Variants in RPS24 observed in about 807,000 individuals in gnomAD.
RPS24 encodes the protein ribosomal protein S24.
For missense variants in RPS24, 100 were observed against 162.5 expected, an observed-to-expected ratio of 0.62 and a Z score of 2.09; for synonymous variants, 72 against 55.6, an observed-to-expected ratio of 1.30 and a Z score of -1.31.
chr10:78,040,130 GT>G, intron 4 of RPS24, 73 bp from the exon 5 acceptor site: 2 of 1,438,244 alleles, frequency 1.4e-6, no homozygotes, highest in Non-Finnish European at 2.0e-6. Flanking sequence ...TTATTTTGGA[GT>G]TTGAAAAGGG....
At chr10:78,051,360 ACCGGATTCTTTCACTCAGC>A (rs1166183169) in intron 4 of RPS24, among the ~76,000 whole-genome samples, 1 of 152,216 alleles carries the variant, frequency 6.6e-6, no homozygotes, top group Non-Finnish European at 1.5e-5. Context: ...GGTTTTTATG[ACCGGATTCTTTCACTCAGC>A]CTAATGTTTC....
At chr10:78,043,687 G>A (rs1238435986), downstream of RPS24, among the ~76,000 whole-genome samples, 1 of 152,188 alleles carries the variant, frequency 6.6e-6, no homozygotes, top group African/African-American at 2.4e-5. Flanking sequence ...TCTGGCTTCT[G>A]TTCCTTTCTG....
intron 1 of RPS24, 31 bp downstream of exon 1, chr10:78,033,935 G>A: frequency 6.2e-7 from 1 of 1,613,796 alleles, no homozygotes; most frequent in Non-Finnish European, 8.5e-7. Flanking sequence ...GCAGTCATCT[G>A]CCGCGTATCC....
chr10:78,044,889 C>T (rs1848027539), downstream of RPS24, among the ~76,000 whole-genome samples: 1 of 151,770 alleles, frequency 6.6e-6, no homozygotes, highest in Non-Finnish European at 1.5e-5. Context: ...CCGAGTTCCT[C>T]CACACAGGAA....
At chr10:78,037,137 G>C in intron 3 of RPS24, 57 bp from the exon 4 acceptor site, 1 of 1,557,428 alleles carries the variant, frequency 6.4e-7, no homozygotes, top group Non-Finnish European at 8.7e-7. Flanking sequence ...CTACCAGAGT[G>C]GTGGGTAATG....
At chr10:78,038,127 T>TTGTGGTTTTTGCCAC in intron 4 of RPS24, 1 of 366,510 alleles carries the variant, frequency 2.7e-6, no homozygotes, top group African/African-American at 2.2e-5. Context: ...GCAAAAGTAA[T>TTGTGGTTTTTGCCAC]TGCAGTGGCA....
intron 4 of RPS24, among the ~76,000 whole-genome samples, chr10:78,045,769 C>T (rs1208183656): frequency 6.6e-6 from 1 of 151,484 alleles, no homozygotes; most frequent in Non-Finnish European, 1.5e-5. Flanking sequence ...CTTTGGGAGG[C>T]TGAGGCGGGT....
exon 5 of RPS24, chr10:78,054,583 A>G (rs1285624340): frequency 1.3e-6 from 2 of 1,548,672 alleles, no homozygotes; most frequent in Admixed American, 2.0e-5. Context: ...TCCCAGGAAG[A>G]GAGATGCACA....
chr10:78,039,827 G>A (rs1847953904), intron 4 of RPS24: 1 of 308,922 alleles, frequency 3.2e-6, no homozygotes, highest in Non-Finnish European at 6.2e-6. Flanking sequence ...TCTCGTAACT[G>A]TTCCTGGTGT....
rs1456735363 is a variant in RPS24 at position 78,053,183 on chromosome 10, C to CAAA, written c.391-1346_391-1345insAAA. On this transcript the variant is annotated intron_variant, in intron 4 of 4. Transcript: ENST00000440692. ...AAACAAACAAAAACAACAACAACAACAACAAAAAAAAAAAAAGAAAAGAAA... is the reference window on the plus strand; with the variant it reads ...AAACAAACAAAAACAACAACAACAACAAAAACAAAAAAAAAAAAAGAAAAGAAA... 8.6e-3 allele frequency among the ~76,000 whole-genome samples: 842 copies of CAAA among 97,858 alleles called. 16 individuals are homozygous for CAAA. Among genetic ancestry groups the CAAA allele is most frequent in the Admixed American group, 0.081 (724 of 8,926 alleles). The allele number at this position is 97,858 out of a possible 152,430, so 64.2% of individuals were successfully genotyped here.
At chr10:78,049,296 A>G (rs1458637472) in intron 4 of RPS24, 1 of 152,120 alleles carries the variant, frequency 6.6e-6, no homozygotes, top group Non-Finnish European at 1.5e-5. Flanking sequence ...GTGTCGTCTC[A>G]CAGAGCGTGT....
At chr10:78,050,777 C>CT (rs1295690759) in intron 4 of RPS24, among the ~76,000 whole-genome samples, 1 of 151,858 alleles carries the variant, frequency 6.6e-6, no homozygotes, top group Non-Finnish European at 1.5e-5. Flanking sequence ...GGCCCAGCTA[C>CT]TTTTTTTTTC....
At chr10:78,056,398 G>A (rs1848149748) in exon 5 of RPS24, 2 of 152,118 alleles carry the variant, frequency 1.3e-5, no homozygotes. Context: ...CTTTTCTTGG[G>A]GTGGGTCTTG....
downstream of RPS24, among the ~76,000 whole-genome samples, chr10:78,043,286 A>C (rs1848006762): frequency 6.6e-6 from 1 of 152,132 alleles, no homozygotes; most frequent in African/African-American, 2.4e-5. Context: ...TACAGGTGTG[A>C]GCCACCGTGC....
At chr10:78,038,062 T>A in intron 4 of RPS24, 1 of 874,522 alleles carries the variant, frequency 1.1e-6, no homozygotes, top group Non-Finnish European at 1.6e-6. Flanking sequence ...TGTTGGCCTT[T>A]GGACGACAGT....
exon 5 of RPS24, chr10:78,054,920 C>T (rs1848136077): frequency 8.5e-6 from 13 of 1,523,002 alleles, no homozygotes; most frequent in Non-Finnish European, 1.1e-5. Flanking sequence ...ACATCCAGGC[C>T]ATCAACAAGT....
At chr10:78,054,332 A>G (rs942639850) in intron 4 of RPS24, among the ~76,000 whole-genome samples, 2 of 152,062 alleles carry the variant, frequency 1.3e-5, no homozygotes, top group African/African-American at 4.8e-5. Context: ...CTCTGTTCTG[A>G]GGCTTGAACT....
chr10:78,049,173 C>CT (rs1848074982), intron 4 of RPS24: 1 of 152,206 alleles, frequency 6.6e-6, no homozygotes, highest in East Asian at 1.9e-4. Flanking sequence ...CACGCCACCT[C>CT]TGACAGCAAG....
At chr10:78,045,584 C>T (rs1377554670), downstream of RPS24, among the ~76,000 whole-genome samples, 1 of 151,894 alleles carries the variant, frequency 6.6e-6, no homozygotes, top group African/African-American at 2.4e-5. Context: ...TGAGTTCAAG[C>T]GATTCTCCTG....
Sources: gnomAD v4.1 joint callset for allele counts (sites outside exome capture counted in the v4.1 genomes callset) on GRCh38, gnomAD v4.1.1 for gene constraint, MANE v1.5 for transcripts, NCBI Gene and HGNC (gene_info 2026-07-23, HGNC 2026-07-21) for gene names.